Variants in GALK2 observed in about 807,000 individuals in gnomAD.
GALK2 encodes N-acetylgalactosamine kinase.
GALK2 carries 36 observed loss-of-function variants against 52.4 expected under a neutral mutation model. The observed-to-expected ratio is 0.69, with a 90% CI of 0.53 to 0.91. The LOEUF is 0.91. GALK2 is among the 40% of genes least tolerant of loss of function. The pLI, the probability that GALK2 is intolerant of heterozygous loss-of-function variation, is 0.00. For synonymous variants in GALK2, 176 were observed against 199.1 expected (o/e 0.88, Z 0.98); for missense variants, 579 against 559.1 (o/e 1.04, Z -0.36).
intron 1 of GALK2, among the ~76,000 whole-genome samples, chr15:49,182,386 A>G (rs552992213): frequency 2.2e-4 from 33 of 152,060 alleles, no homozygotes; most frequent in Admixed American, 7.2e-4. Flanking sequence ...TTCTTTATTC[A>G]TTTATCTGTT....
At chr15:49,206,802 C>A (rs1170992449) in intron 2 of GALK2, among the ~76,000 whole-genome samples, 2 of 152,058 alleles carry the variant, frequency 1.3e-5, no homozygotes, top group African/African-American at 4.8e-5. Context: ...ATTTGAGTTC[C>A]TCTTTACCAA....
chr15:49,264,329 A>T (rs1240847034), intron 5 of GALK2, among the ~76,000 whole-genome samples: 1 of 151,950 alleles, frequency 6.6e-6, no homozygotes, highest in East Asian at 1.9e-4. Flanking sequence ...TTCATCTTCC[A>T]TCACTGATAC....
intron 3 of GALK2, among the ~76,000 whole-genome samples, chr15:49,356,018 T>C (rs1440273443): frequency 6.6e-6 from 1 of 151,690 alleles, no homozygotes; most frequent in Non-Finnish European, 1.5e-5. Flanking sequence ...AGAAATAAAA[T>C]ACTTTACAGA....
intron 3 of GALK2, chr15:49,367,297 C>G: frequency 1.6e-6 from 1 of 641,814 alleles, no homozygotes; most frequent in South Asian, 4.2e-5. Flanking sequence ...AACATACTAC[C>G]AAAGTTTTAA....
chr15:49,280,349 T>C (rs1340344522), intron 5 of GALK2, among the ~76,000 whole-genome samples: 1 of 152,182 alleles, frequency 6.6e-6, no homozygotes, highest in African/African-American at 2.4e-5. Context: ...GCTTGAATTG[T>C]TGACTAGTTG....
In GALK2 at chr15:49,282,044, G is replaced by A. The variant is rs1026316337; in HGVS notation, c.562G>A (p.Gly188Ser). Residue 188 changes from glycine (G) to serine (S), a missense_variant, in exon 6 of 10, where the codon GGC becomes AGC. By Grantham distance (56) the Gly-to-Ser change is moderately conservative. Transcript: ENST00000560031. ...GCGTTACATTGGCACTGAAGGAGGA[G>A]GCATGGACCAGTCTATATCATTTCT... ...SERYIGTEGG[G>S]MDQSISFLAE... is the part of the protein sequence containing the mutation. 7 of 1,613,728 alleles carry A rather than the reference G, an allele frequency of 4.3e-6. No individual in the cohort carries two copies. Among genetic ancestry groups the A allele is most frequent in the Non-Finnish European group, 5.9e-6 (7 of 1,179,782 alleles).
chr15:49,195,418 TTAAA>T (rs1023732366), intron 1 of GALK2, among the ~76,000 whole-genome samples: 27 of 152,350 alleles, frequency 1.8e-4, no homozygotes, highest in African/African-American at 6.5e-4. Flanking sequence ...AAAACTTTTC[TTAAA>T]TAGATTTTGC....
chr15:49,292,821 C>G (rs1386406369), intron 8 of GALK2, among the ~76,000 whole-genome samples: 1 of 150,806 alleles, frequency 6.6e-6, no homozygotes, highest in Non-Finnish European at 1.5e-5. Flanking sequence ...CCATTTTTTT[C>G]TGGTTATTAT....
At chr15:49,355,373 A>G (rs555046349) in intron 3 of GALK2, among the ~76,000 whole-genome samples, 9 of 152,334 alleles carry the variant, frequency 5.9e-5, no homozygotes, top group Admixed American at 5.9e-4. Context: ...AACTAGAATA[A>G]CCAATACAGA....
chr15:49,319,547 T>C (rs1054913379), intron 8 of GALK2, 57 bp from the exon 9 acceptor site: 2 of 1,453,176 alleles, frequency 1.4e-6, no homozygotes, highest in African/African-American at 2.8e-5. Flanking sequence ...TTTTTCTTTA[T>C]ACTGGGTTGT....
In GALK2 at chr15:49,253,848, A is replaced by G; in HGVS notation, c.504+14481A>G. ...GGACCTTAAAACACCAAGCATCATC[A>G]TCATCATCATCATCAACAACAACTA... On this transcript the variant is annotated intron_variant, in intron 5 of 9. Coordinates refer to ENST00000560031, the MANE Select transcript of GALK2 (RefSeq NM_002044.4). 1.4e-5 allele frequency among the ~76,000 whole-genome samples: 2 copies of G among 143,876 alleles called. 1 individual carries two copies. Among genetic ancestry groups the G allele is most frequent in the Admixed American group, 1.4e-4 (2 of 14,188 alleles). 94.4% of individuals were successfully genotyped at this position (143,876 alleles called of 152,430 possible). A position where few individuals can be genotyped will look rare whatever the true frequency, so the allele number is the denominator to read the frequency against.
chr15:49,197,886 TA>T (rs2087379734), intron 1 of GALK2, among the ~76,000 whole-genome samples: 1 of 152,122 alleles, frequency 6.6e-6, no homozygotes. Flanking sequence ...CCTTAGAAAA[TA>T]GGGGAATATT....
chr15:49,208,410 T>C (rs12901611), intron 2 of GALK2, among the ~76,000 whole-genome samples: 4 of 152,238 alleles, frequency 2.6e-5, no homozygotes, highest in Non-Finnish European at 5.9e-5. Context: ...CATTTTTGAC[T>C]CAATGCTCAT....
intron 8 of GALK2, among the ~76,000 whole-genome samples, chr15:49,305,872 C>T (rs954747780): frequency 2.0e-5 from 3 of 152,114 alleles, no homozygotes; most frequent in African/African-American, 4.8e-5. Flanking sequence ...AACTGGCTTC[C>T]GGAGAACTAC....
At chr15:49,218,318 C>T (rs1485370351) in intron 3 of GALK2, among the ~76,000 whole-genome samples, 1 of 152,122 alleles carries the variant, frequency 6.6e-6, no homozygotes, top group African/African-American at 2.4e-5. Context: ...TTATGTCAAG[C>T]ATATTTTCGT....
intron 1 of GALK2, among the ~76,000 whole-genome samples, chr15:49,189,268 A>G (rs1054974470): frequency 6.6e-5 from 10 of 152,186 alleles, no homozygotes; most frequent in East Asian, 1.9e-4. Context: ...CCTAAACACA[A>G]GGACATTCTT....
intron 1 of GALK2, among the ~76,000 whole-genome samples, chr15:49,184,591 G>C (rs1402547361): frequency 6.6e-6 from 1 of 151,888 alleles, no homozygotes; most frequent in African/African-American, 2.4e-5. Flanking sequence ...GATTTTCTCT[G>C]GTTTCTAATT....
intron 8 of GALK2, among the ~76,000 whole-genome samples, chr15:49,300,291 G>A (rs1044584651): frequency 6.6e-6 from 1 of 151,868 alleles, no homozygotes; most frequent in Non-Finnish European, 1.5e-5. Context: ...TTGCTTGATA[G>A]ATCTTTCTCC....
downstream of GALK2, among the ~76,000 whole-genome samples, chr15:49,333,644 G>A (rs1235414930): frequency 3.3e-5 from 5 of 152,124 alleles, no homozygotes; most frequent in Non-Finnish European, 7.4e-5. Context: ...TGGAAAACTA[G>A]CTTTATAAGT....
Sources: allele counts gnomAD v4.1 joint callset (sites outside exome capture counted in the v4.1 genomes callset), GRCh38; gene constraint gnomAD v4.1.1; transcripts MANE v1.5; gene names NCBI Gene and HGNC (gene_info 2026-07-23, HGNC 2026-07-21).